The following COL4A4 variants were observed in gnomAD, a reference collection of about 807,000 sequenced individuals.
The protein encoded by COL4A4 is collagen type IV alpha 4 chain, also known as collagen alpha-4(IV) chain.
Under a neutral mutation model 192.9 loss-of-function variants are expected in COL4A4, and 105 were observed. That is an observed-to-expected ratio of 0.54 (90% CI 0.46 to 0.64). The LOEUF is 0.64. COL4A4 is among the 30% of genes least tolerant of loss of function. COL4A4 has a pLI of 0.00. For synonymous variants in COL4A4, 762 were observed against 769.9 expected, an observed-to-expected ratio of 0.99 and a Z score of 0.17; for missense variants, 1,967 against 2,169.3, an observed-to-expected ratio of 0.91 and a Z score of 1.85.
chr2:226,979,662 C>T, the COL4A4 span, among the ~76,000 whole-genome samples: 1 of 152,228 alleles, frequency 6.6e-6, no homozygotes, highest in African/African-American at 2.4e-5. Context: ...CCTGTTCTAG[C>T]CATACTGGCA....
the COL4A4 span, chr2:226,988,544 C>T: frequency 6.9e-7 from 1 of 1,441,452 alleles, no homozygotes; most frequent in Non-Finnish European, 9.1e-7. Flanking sequence ...GCCAGGCTGG[C>T]CCTCTCTGCG....
At chr2:227,031,446 C>T (rs1968386735) in intron 40 of COL4A4, among the ~76,000 whole-genome samples, 1 of 152,178 alleles carries the variant, frequency 6.6e-6, no homozygotes, top group African/African-American at 2.4e-5. Context: ...TGACTTCCAA[C>T]ATCTTTCCTT....
intron 37 of COL4A4, among the ~76,000 whole-genome samples, chr2:227,040,373 T>G (rs1414087992): frequency 5.3e-5 from 8 of 152,060 alleles, no homozygotes; most frequent in Non-Finnish European, 8.8e-5. Context: ...AGATATTCAT[T>G]CTCCTATTTG....
At chr2:227,050,268 G>T in intron 33 of COL4A4, 137 bp from the exon 34 acceptor site, 1 of 750,054 alleles carries the variant, frequency 1.3e-6, no homozygotes, top group Non-Finnish European at 2.4e-6. Context: ...TTAAATGCAT[G>T]CAAGCCTCCC....
intron 22 of COL4A4, among the ~76,000 whole-genome samples, chr2:227,085,093 T>C (rs1269938160): frequency 6.6e-6 from 1 of 151,152 alleles, no homozygotes; most frequent in East Asian, 1.9e-4. Context: ...ATTGCACCAT[T>C]GCACTCCAGC....
intron 2 of COL4A4, among the ~76,000 whole-genome samples, chr2:227,144,795 A>G (rs899302574): frequency 3.4e-4 from 52 of 152,116 alleles, no homozygotes; most frequent in African/African-American, 1.2e-3. Context: ...TGTGGTCCTC[A>G]TTGTGCTGGG....
At chr2:227,103,386 G>A (rs1005047883) in intron 13 of COL4A4, among the ~76,000 whole-genome samples, 189 bp from the exon 14 acceptor site, 7 of 152,080 alleles carry the variant, frequency 4.6e-5, no homozygotes, top group African/African-American at 1.7e-4. Flanking sequence ...TTCTCTATGT[G>A]AGAGGTATAT....
chr2:227,090,575 C>A (rs536979710), intron 20 of COL4A4, among the ~76,000 whole-genome samples: 20 of 151,480 alleles, frequency 1.3e-4, no homozygotes, highest in South Asian at 8.3e-4. Flanking sequence ...ATGGTAAAAC[C>A]CCCCCCATCT....
intron 4 of COL4A4, among the ~76,000 whole-genome samples, chr2:227,138,419 G>A (rs1468334411): frequency 1.3e-5 from 2 of 152,098 alleles, no homozygotes; most frequent in African/African-American, 2.4e-5. Context: ...GGATCATGAG[G>A]TCAGGAGATC....
intron 38 of COL4A4, 54 bp from the exon 39 acceptor site, chr2:227,032,330 A>G: frequency 1.3e-6 from 2 of 1,561,650 alleles, no homozygotes; most frequent in Non-Finnish European, 8.7e-7. Flanking sequence ...TGTCCCTGTT[A>G]TAGTGCCTGA....
At chr2:227,017,795 AT>A (rs898935597) in intron 44 of COL4A4, among the ~76,000 whole-genome samples, 20 of 150,746 alleles carry the variant, frequency 1.3e-4, no homozygotes, top group Middle Eastern at 3.4e-3. Context: ...AGATTTTTTA[AT>A]TTTTTTTTTA....
intron 31 of COL4A4, among the ~76,000 whole-genome samples, chr2:227,053,461 T>G (rs1469465549): frequency 6.6e-6 from 1 of 152,074 alleles, no homozygotes; most frequent in Non-Finnish European, 1.5e-5. Flanking sequence ...GAGTAAATAT[T>G]TAACAGGGAT....
chr2:226,992,091 G>T, the COL4A4 span, among the ~76,000 whole-genome samples: 12 of 152,214 alleles, frequency 7.9e-5, no homozygotes, highest in African/African-American at 2.9e-4. Context: ...TGCAAAGGAT[G>T]CTGGAGGTTA....
At chr2:227,079,032 A>G (rs921218281) in intron 24 of COL4A4, among the ~76,000 whole-genome samples, 3 of 152,220 alleles carry the variant, frequency 2.0e-5, no homozygotes, top group Non-Finnish European at 2.9e-5. Context: ...TGTGCAGTGG[A>G]TAACAGCTCC....
intron 25 of COL4A4, among the ~76,000 whole-genome samples, chr2:227,073,219 T>C (rs2058822951): frequency 6.6e-6 from 1 of 152,118 alleles, no homozygotes; most frequent in African/African-American, 2.4e-5. Flanking sequence ...AAAATCATTG[T>C]ACATAAATCA....
Position 227,060,184 on chromosome 2 carries a change from T to A in COL4A4, c.2116A>T (p.Lys706Ter). 2.5e-6 allele frequency: 4 copies of A among 1,610,338 alleles called. No homozygotes were observed. Among genetic ancestry groups the A allele is most frequent in the Non-Finnish European group, 3.4e-6 (4 of 1,179,028 alleles). The change falls in exon 27 of 48, where the codon AAA (lysine) becomes TAA (stop). Residue 706 changes from lysine to a stop codon, truncating the protein, a stop_gained. Coordinates refer to ENST00000396625, the MANE Select transcript of COL4A4 (RefSeq NM_000092.5). LOFTEE classifies it high-confidence loss of function. ...APGLSGSDGH[K>*]GRPGTPGTAE... ...GTTCCTGGTGTGCCAGGTCTGCCTT[T>A]ATGCCCATCTGAACCACTCAGCCCA...
chr2:227,126,653 A>G (rs2062108289), intron 4 of COL4A4, among the ~76,000 whole-genome samples: 1 of 152,206 alleles, frequency 6.6e-6, no homozygotes, highest in East Asian at 1.9e-4. Context: ...ATTTTGCTAC[A>G]TGATAAATTT....
chr2:227,046,915 A>G (rs1369276570), intron 35 of COL4A4, among the ~76,000 whole-genome samples: 2 of 152,080 alleles, frequency 1.3e-5, no homozygotes, highest in Non-Finnish European at 2.9e-5. Context: ...GAAGCAAAAT[A>G]CTGTTTAAAA....
At chr2:227,021,370 G>A (rs114010162) in intron 44 of COL4A4, among the ~76,000 whole-genome samples, 1,941 of 151,838 alleles carry the variant, frequency 0.013, 23 homozygotes, top group African/African-American at 0.045. Context: ...CTCTGTTTCC[G>A]CTCCACCAAG....
Sources: allele counts gnomAD v4.1 joint callset (sites outside exome capture counted in the v4.1 genomes callset), GRCh38; gene constraint gnomAD v4.1.1; transcripts MANE v1.5; gene names NCBI Gene and HGNC (gene_info 2026-07-23, HGNC 2026-07-21).